The following VPS13D variants were observed in gnomAD, a reference collection of about 807,000 sequenced individuals.
The protein encoded by VPS13D is intermembrane lipid transfer protein VPS13D.
A neutral mutation model predicts 461.9 loss-of-function variants in VPS13D; 187 were observed. The observed-to-expected ratio is 0.40, with a 90% CI of 0.36 to 0.46. The LOEUF is 0.46. Among genes scored for constraint, VPS13D ranks in the 20% least tolerant of loss-of-function variants. The pLI is 0.60. For synonymous variants in VPS13D, 1,951 were observed against 1,986.3 expected, an observed-to-expected ratio of 0.98 and a Z score of 0.47; for missense variants, 4,711 against 5,364.9, an observed-to-expected ratio of 0.88 and a Z score of 3.81.
chr1:12,240,512 T>G (rs1014658947), intron 2 of VPS13D, among the ~76,000 whole-genome samples: 9 of 150,018 alleles, frequency 6.0e-5, no homozygotes, highest in Non-Finnish European at 1.2e-4. Flanking sequence ...GGAGAATCGC[T>G]TGAACCCAGG....
chr1:12,405,032 C>G (rs1320179879), intron 63 of VPS13D, among the ~76,000 whole-genome samples: 3 of 152,216 alleles, frequency 2.0e-5, no homozygotes, highest in Non-Finnish European at 4.4e-5. Flanking sequence ...GCAGAAACAG[C>G]TAGAGATATG....
At chr1:12,453,137 C>T (rs1645284528) in intron 65 of VPS13D, among the ~76,000 whole-genome samples, 1 of 152,144 alleles carries the variant, frequency 6.6e-6, no homozygotes, top group South Asian at 2.1e-4. Context: ...GGAGCTGAGG[C>T]TGCCACAGCA....
At chr1:12,409,799 G>C (rs765491253) in intron 63 of VPS13D, 48 of 447,468 alleles carry the variant, frequency 1.1e-4, no homozygotes, top group Non-Finnish European at 1.7e-4. Context: ...TCGTGGGGGC[G>C]GGGTTGGGGA....
chr1:12,460,168 TCAGGTTA>T, intron 66 of VPS13D, 26 bp from the exon 67 acceptor site: 1 of 1,510,222 alleles, frequency 6.6e-7, no homozygotes, highest in Non-Finnish European at 8.9e-7. Context: ...TTTGTCCTCG[TCAGGTTA>T]CAACAGCCCT....
intron 35 of VPS13D, among the ~76,000 whole-genome samples, chr1:12,326,610 T>G (rs939058398): frequency 2.0e-5 from 3 of 151,972 alleles, no homozygotes; most frequent in Admixed American, 2.0e-4. Context: ...ATTGGGCTTA[T>G]AAGCATTAGC....
intron 16 of VPS13D, among the ~76,000 whole-genome samples, chr1:12,270,740 G>T (rs182030933): frequency 2.0e-5 from 3 of 152,144 alleles, no homozygotes; most frequent in African/African-American, 7.2e-5. Flanking sequence ...CTTGAGACAG[G>T]GTCTTGCTCT....
At chr1:12,417,924 C>T (rs1186592414) in intron 65 of VPS13D, among the ~76,000 whole-genome samples, 13 of 151,488 alleles carry the variant, frequency 8.6e-5, no homozygotes, top group African/African-American at 2.7e-4. Flanking sequence ...TTTTCTTTTT[C>T]GCGACAGAGT....
At chr1:12,261,236 A>C in intron 12 of VPS13D, 87 bp downstream of exon 12, 1 of 1,497,464 alleles carries the variant, frequency 6.7e-7, no homozygotes, top group Non-Finnish European at 9.2e-7. Context: ...AATTTAACAA[A>C]AGTAGATATT....
Position 12,230,052 on chromosome 1 carries a change from A to T in VPS13D, c.-145A>T, listed in dbSNP as rs897842148. 2 of 151,844 alleles carry T rather than the reference A, an allele frequency of 1.3e-5. No homozygotes were observed. Among genetic ancestry groups the T allele is most frequent in the African/African-American group, 2.4e-5 (1 of 41,364 alleles). The allele number at this position is 151,844 out of a possible 1,614,324, so 9.4% of individuals were successfully genotyped here. On this transcript the variant is annotated 5_prime_UTR_variant, in exon 1 of 70. Transcript: ENST00000620676. ...GGCCTGAGCGCCGCGGGCCTGCGCC[A>T]TTGAGGAGCGGCGGGGAGGAAACGC... is the stretch of plus-strand genomic sequence containing the variant.
Position 12,282,991 on chromosome 1 carries a change from A to G in VPS13D, c.4889A>G (p.Gln1630Arg). Residue 1630 changes from glutamine (Q) to arginine (R), a missense_variant, in exon 21 of 70, where the codon CAG (glutamine) becomes CGG (arginine). Transcript: ENST00000620676. ...ATFCISELQV[Q>R]LSGDLTLGAQ... ...TTTTGTATATCAGAGCTTCAGGTTC[A>G]GCTAAGTGGAGATCTGACTTTGGGG... The G allele has an allele frequency of 1.2e-6, 2 of 1,614,192 alleles. No homozygotes were observed. Among genetic ancestry groups the G allele is most frequent in the Non-Finnish European group, 1.7e-6 (2 of 1,180,018 alleles).
At chr1:12,268,945 C>A (rs762952219) in intron 16 of VPS13D, 69 bp downstream of exon 16, 1 of 1,540,990 alleles carries the variant, frequency 6.5e-7, no homozygotes, top group African/African-American at 1.4e-5. Flanking sequence ...TTCTGGTGTT[C>A]TGGACAAGGG....
chr1:12,285,176 A>T (rs910335809), intron 21 of VPS13D, among the ~76,000 whole-genome samples: 41 of 152,328 alleles, frequency 2.7e-4, no homozygotes, highest in African/African-American at 9.9e-4. Context: ...ATCACAGAGA[A>T]ACAGTATAAT....
At position 12,244,750 on chromosome 1, in the gene VPS13D, G is replaced by T. The variant is rs1000257542; in HGVS notation, c.447+133G>T. The T allele has an allele frequency of 2.2e-5, 17 of 786,122 alleles. No homozygotes were observed. The African/African-American group carries it at 2.8e-4, about 13-fold the overall frequency. The allele number at this position is 786,122 out of a possible 1,614,324, so 48.7% of individuals were successfully genotyped here. ...GGTGTAGATGGGGCTGGCTGCTCAG[G>T]TCTGCCCTTTTGTAGGCTGTGCCAA... On this transcript the variant is annotated intron_variant, in intron 5 of 69. Transcript: ENST00000620676.
rs535913597 is a variant in VPS13D, at chr1:12,297,469, A to G, written c.6034-1733A>G. ...GCTGTGCGTTAGAAATCTTGGGACA[A>G]ATATCTTGAGTGGGTTTTGCTTCCA... On this transcript the variant is annotated intron_variant, in intron 24 of 69. Coordinates refer to ENST00000620676, the MANE Select transcript of VPS13D (RefSeq NM_015378.4). 3.3e-5 allele frequency among the ~76,000 whole-genome samples: 5 copies of G among 152,296 alleles called. No homozygotes were observed. In the East Asian group the frequency reaches 9.6e-4, roughly 29 times the overall value.
At chr1:12,498,648 T>C (rs548906172) in intron 68 of VPS13D, among the ~76,000 whole-genome samples, 52 of 152,314 alleles carry the variant, frequency 3.4e-4, no homozygotes, top group Non-Finnish European at 5.4e-4. Context: ...TTATAAAATA[T>C]GATAGGCTGG....
chr1:12,476,370 AAT>A (rs1368082584), intron 67 of VPS13D, among the ~76,000 whole-genome samples: 1 of 152,224 alleles, frequency 6.6e-6, no homozygotes, highest in East Asian at 1.9e-4. Context: ...TCCAAATTTT[AAT>A]ATATCAGAGA....
At chr1:12,384,958 G>C (rs1178079137) in intron 58 of VPS13D, among the ~76,000 whole-genome samples, 1 of 152,118 alleles carries the variant, frequency 6.6e-6, no homozygotes, top group African/African-American at 2.4e-5. Flanking sequence ...AGGCAAAAAT[G>C]AATGCAGTGA....
At chr1:12,378,329 T>A (rs779677307) in intron 55 of VPS13D, 99 bp from the exon 56 acceptor site, 15 of 1,136,148 alleles carry the variant, frequency 1.3e-5, no homozygotes, top group Admixed American at 2.9e-5. Flanking sequence ...ACTTCCTATA[T>A]GAGAACTTAT....
At chr1:12,249,065 A>C (rs570978322) in intron 5 of VPS13D, among the ~76,000 whole-genome samples, 158 bp from the exon 6 acceptor site, 1 of 152,362 alleles carries the variant, frequency 6.6e-6, no homozygotes, top group African/African-American at 2.4e-5. Flanking sequence ...GTTTGTATAA[A>C]GTGCCTGGTG....
Sources: allele counts gnomAD v4.1 joint callset (sites outside exome capture counted in the v4.1 genomes callset), GRCh38; gene constraint gnomAD v4.1.1; transcripts MANE v1.5; gene names NCBI Gene and HGNC (gene_info 2026-07-23, HGNC 2026-07-21).